GRIP1: variants seen among roughly 807,000 people sequenced by gnomAD.
GRIP1 encodes glutamate receptor-interacting protein 1.
A neutral mutation model predicts 129.9 loss-of-function variants in GRIP1; 45 were observed. That is an observed-to-expected ratio of 0.35 (90% CI 0.27 to 0.44). The LOEUF (loss-of-function observed/expected upper bound fraction) is 0.44. Ranked by LOEUF, GRIP1 falls within the 20% of genes least tolerant of loss-of-function variation. The probability of loss-of-function intolerance (pLI) is 1.00; values close to 1 mark genes in which losing one functional copy is unlikely to be tolerated. For synonymous variants in GRIP1, 530 were observed against 520.8 expected, an observed-to-expected ratio of 1.02 and a Z score of -0.24; for missense variants, 1,196 against 1,396.8, an observed-to-expected ratio of 0.86 and a Z score of 2.29.
At chr12:66,354,007 G>A (rs944525405) in intron 23 of GRIP1, among the ~76,000 whole-genome samples, 4 of 152,126 alleles carry the variant, frequency 2.6e-5, no homozygotes, top group Non-Finnish European at 5.9e-5. Flanking sequence ...ACAGTGCTCG[G>A]CGTATCCTCT....
chr12:66,455,338 C>T (rs775388621), intron 11 of GRIP1, 71 bp downstream of exon 11: 21 of 1,346,164 alleles, frequency 1.6e-5, no homozygotes, highest in Middle Eastern at 1.8e-4. Context: ...CCCACAATTT[C>T]GGTATTTTCA....
intron 1 of GRIP1, among the ~76,000 whole-genome samples, chr12:66,921,015 T>C (rs2041204331): frequency 6.6e-6 from 1 of 152,132 alleles, no homozygotes; most frequent in Admixed American, 6.5e-5. Context: ...GTCTAGGAAA[T>C]GGTGACAGGA....
At chr12:66,558,844 C>A (rs1013487881) in intron 2 of GRIP1, among the ~76,000 whole-genome samples, 1 of 151,916 alleles carries the variant, frequency 6.6e-6, no homozygotes, top group Non-Finnish European at 1.5e-5. Context: ...CCAGTATTAC[C>A]CTGATACCAA....
chr12:66,554,548 G>GT (rs1350796441), intron 2 of GRIP1, among the ~76,000 whole-genome samples: 2 of 152,132 alleles, frequency 1.3e-5, no homozygotes, highest in African/African-American at 4.8e-5. Flanking sequence ...TGCAACTTAG[G>GT]TACCAGTTTG....
At position 66,515,696 on chromosome 12, in the gene GRIP1, T is replaced by C. The variant is rs1158836819; in HGVS notation, c.647A>G (p.His216Arg). The C allele has an allele frequency of 2.5e-6, 4 of 1,613,606 alleles. No homozygotes were observed. The highest frequency in any genetic ancestry group is 2.5e-6 in the Non-Finnish European group (3 of 1,179,528). The change falls in exon 7 of 25, where the codon CAT (histidine) becomes CGT (arginine). Residue 216 changes from histidine to arginine, a missense_variant. By Grantham distance (29) the His-to-Arg change is conservative. Around this residue, in one of 5 missense-constraint regions of GRIP1, gnomAD observed 508 missense variants for 587.0 expected, o/e 0.87. Coordinates refer to ENST00000359742, the MANE Select transcript of GRIP1 (RefSeq NM_001366722.1). ...VDGIRLLGTT[H>R]AEAMSILKQC... ...TTTAAGAATACTCATGGCTTCAGCA[T>C]GCGTAGTTCCAAGAAGCCGAATTCC...
At chr12:66,985,329 C>G (rs1450659665) in intron 1 of GRIP1, among the ~76,000 whole-genome samples, 1 of 151,508 alleles carries the variant, frequency 6.6e-6, no homozygotes, top group African/African-American at 2.4e-5. Flanking sequence ...TATATTGTGG[C>G]AGCTACCATT....
intron 1 of GRIP1, among the ~76,000 whole-genome samples, chr12:66,977,143 A>C (rs1321247105): frequency 1.3e-5 from 2 of 152,150 alleles, no homozygotes; most frequent in South Asian, 2.1e-4. Flanking sequence ...GTAATTATGA[A>C]AGTATATATA....
rs76568077 is a variant in GRIP1, at chr12:66,969,917, C to G, written c.58+99133G>C. Among the ~76,000 whole-genome samples, 825 of 152,274 alleles carry G rather than the reference C, an allele frequency of 5.4e-3. 8 individuals carry two copies. Among genetic ancestry groups the G allele is most frequent in the African/African-American group, 0.019 (785 of 41,556 alleles). On this transcript the variant is annotated intron_variant, in intron 1 of 1. Coordinates refer to the GRIP1 transcript ENST00000643019. ...CTTAGCTCTTTCATCGCTCCACTTA[C>G]ATCACCCCTCTGTTCTTGCATGTTA... is the stretch of plus-strand genomic sequence containing the variant.
chr12:66,476,830 C>T (rs2059630446), intron 7 of GRIP1, among the ~76,000 whole-genome samples: 1 of 152,172 alleles, frequency 6.6e-6, no homozygotes, highest in African/African-American at 2.4e-5. Context: ...TTCAACAGCC[C>T]TTCATGCTAA....
At chr12:66,476,954 T>C (rs1198218922) in intron 7 of GRIP1, among the ~76,000 whole-genome samples, 2 of 152,192 alleles carry the variant, frequency 1.3e-5, no homozygotes, top group Admixed American at 6.5e-5. Flanking sequence ...AGCATTCCCT[T>C]TGAAAACCGG....
intron 1 of GRIP1, among the ~76,000 whole-genome samples, chr12:67,010,465 C>T (rs139906295): frequency 6.6e-6 from 1 of 152,246 alleles, no homozygotes; most frequent in African/African-American, 2.4e-5. Flanking sequence ...ACACTAGTCC[C>T]TTTCTATTAC....
intron 5 of GRIP1, among the ~76,000 whole-genome samples, chr12:66,523,284 G>C (rs955060078): frequency 6.6e-6 from 1 of 150,510 alleles, no homozygotes; most frequent in Non-Finnish European, 1.5e-5. Flanking sequence ...AGAGAGAAAG[G>C]TCGGGTTACC....
At chr12:66,942,718 T>C (rs940991095) in intron 1 of GRIP1, among the ~76,000 whole-genome samples, 2 of 152,212 alleles carry the variant, frequency 1.3e-5, no homozygotes, top group African/African-American at 4.8e-5. Context: ...TGTAATGGAC[T>C]GCATGTTTGT....
chr12:66,583,333 G>A (rs1237031158), intron 2 of GRIP1, among the ~76,000 whole-genome samples: 1 of 149,812 alleles, frequency 6.7e-6, no homozygotes, highest in Non-Finnish European at 1.5e-5. Context: ...TTACCATTCA[G>A]GACATAGGCA....
chr12:66,968,491 T>C (rs2042028358), intron 1 of GRIP1, among the ~76,000 whole-genome samples: 2 of 152,180 alleles, frequency 1.3e-5, no homozygotes, highest in Non-Finnish European at 2.9e-5. Flanking sequence ...ATATAACATG[T>C]TATCTACTCT....
At chr12:66,374,380 G>T (rs920073465) in intron 22 of GRIP1, among the ~76,000 whole-genome samples, 3 of 151,940 alleles carry the variant, frequency 2.0e-5, no homozygotes. Flanking sequence ...TAGATATGAG[G>T]TTTCTCCACA....
chr12:66,938,710 G>A (rs547094707), intron 1 of GRIP1, among the ~76,000 whole-genome samples: 1 of 152,250 alleles, frequency 6.6e-6, no homozygotes, highest in South Asian at 2.1e-4. Flanking sequence ...TGTAATCCCA[G>A]CACTTTGGGA....
intron 1 of GRIP1, among the ~76,000 whole-genome samples, chr12:67,049,496 G>A (rs1038641173): frequency 9.9e-5 from 15 of 152,266 alleles, no homozygotes; most frequent in Admixed American, 8.5e-4. Context: ...CCACTCACAA[G>A]TGGGAGTTGA....
chr12:66,783,241 C>T (rs1182844146), intron 1 of GRIP1, among the ~76,000 whole-genome samples: 1 of 152,136 alleles, frequency 6.6e-6, no homozygotes, highest in African/African-American at 2.4e-5. Context: ...GCCATGTTGG[C>T]CAGGCTGGTC....
Sources: allele counts gnomAD v4.1 joint callset (sites outside exome capture counted in the v4.1 genomes callset), GRCh38; gene constraint gnomAD v4.1.1; regional missense constraint gnomAD v4.1.1; transcripts MANE v1.5; gene names NCBI Gene and HGNC (gene_info 2026-07-23, HGNC 2026-07-21).